Variants in OXR1 observed in about 807,000 individuals in gnomAD.
OXR1 encodes oxidation resistance protein 1.
OXR1 carries 41 observed loss-of-function variants against 104.6 expected under a neutral mutation model. The observed-to-expected ratio is 0.39, with a 90% CI of 0.31 to 0.51. The LOEUF (loss-of-function observed/expected upper bound fraction) is 0.51, where lower values mean the gene tolerates loss of function less well. OXR1 is among the 20% of genes least tolerant of loss of function. The pLI, the probability that OXR1 is intolerant of heterozygous loss-of-function variation, is 0.77. For missense variants in OXR1, 955 were observed against 1,031.9 expected, an observed-to-expected ratio of 0.93 and a Z score of 1.02; for synonymous variants, 348 against 348.4, an observed-to-expected ratio of 1.00 and a Z score of 0.01.
rs368481672 is a variant in OXR1, at chr8:106,451,051, T to C, written c.24-67892T>C. On this transcript the variant is annotated intron_variant, in intron 2 of 16. Transcript: ENST00000517566. Reference sequence around the variant, plus strand: ...CTATAGAACCTATCAAGGCTAAAGATGTTGAGCCTGACTCTCTTAACAGCT... The same window carrying C: ...CTATAGAACCTATCAAGGCTAAAGACGTTGAGCCTGACTCTCTTAACAGCT... Among the ~76,000 whole-genome samples the C allele has an allele frequency of 9.9e-5, 15 of 152,266 alleles. No individual in the cohort carries two copies. The East Asian group carries it at 1.7e-3, about 18-fold the overall frequency.
intron 15 of OXR1, among the ~76,000 whole-genome samples, chr8:106,743,804 G>A (rs998543115): frequency 2.0e-5 from 3 of 152,142 alleles, no homozygotes; most frequent in South Asian, 2.1e-4. Context: ...GCACACAAAT[G>A]TTCATTGTAG....
At chr8:106,741,920 A>G (rs1032266631) in intron 14 of OXR1, among the ~76,000 whole-genome samples, 6 of 152,198 alleles carry the variant, frequency 3.9e-5, no homozygotes, top group Admixed American at 6.5e-5. Flanking sequence ...CATTGTACAT[A>G]TAAGTCGTCC....
chr8:106,568,075 T>C (rs773194810), intron 3 of OXR1, among the ~76,000 whole-genome samples: 2 of 152,128 alleles, frequency 1.3e-5, no homozygotes, highest in Non-Finnish European at 2.9e-5. Flanking sequence ...GAATACAAGA[T>C]TCTTTCCTGA....
intron 3 of OXR1, among the ~76,000 whole-genome samples, chr8:106,639,259 CAT>C (rs1823429102): frequency 6.6e-6 from 1 of 152,186 alleles, no homozygotes; most frequent in Non-Finnish European, 1.5e-5. Flanking sequence ...GCACCTAGCA[CAT>C]GTCACTCTAT....
At chr8:106,697,991 A>G in intron 7 of OXR1, 1 of 1,613,118 alleles carries the variant, frequency 6.2e-7, no homozygotes, top group Non-Finnish European at 8.5e-7. Flanking sequence ...CTCAGGCCAT[A>G]ATGCAGGTCC....
In OXR1 at chr8:106,354,656, A is replaced by G. The variant is rs188005286; in HGVS notation, c.-138-4820A>G. Among the ~76,000 whole-genome samples, 3 of 152,032 alleles carry G rather than the reference A, an allele frequency of 2.0e-5. No homozygotes were observed. The East Asian group carries it at 5.8e-4, about 29-fold the overall frequency. On this transcript the variant is annotated intron_variant, in intron 1 of 16. Coordinates refer to ENST00000517566, the MANE Select transcript of OXR1 (RefSeq NM_001198533.2). ...TTTGGTTCTTCCAAGAACCATTTTT[A>G]TAGATTTACTGTTTTAAATATGAAA...
chr8:106,436,449 C>G (rs529883419), intron 2 of OXR1, among the ~76,000 whole-genome samples: 4 of 151,716 alleles, frequency 2.6e-5, no homozygotes, highest in Non-Finnish European at 5.9e-5. Flanking sequence ...GTACTGTATC[C>G]CAAGAGTTTT....
intron 3 of OXR1, among the ~76,000 whole-genome samples, chr8:106,522,375 T>C (rs545022812): frequency 6.6e-6 from 1 of 152,238 alleles, no homozygotes; most frequent in Non-Finnish European, 1.5e-5. Context: ...GTAAAAGTTA[T>C]AGAAATAGTT....
intron 2 of OXR1, among the ~76,000 whole-genome samples, chr8:106,432,650 T>C (rs1282185061): frequency 6.6e-6 from 1 of 152,180 alleles, no homozygotes; most frequent in Non-Finnish European, 1.5e-5. Context: ...CAAGGTTTTT[T>C]TTTTCTGCAA....
chr8:106,615,663 G>A (rs1002642509), intron 3 of OXR1, among the ~76,000 whole-genome samples: 4 of 151,422 alleles, frequency 2.6e-5, no homozygotes, highest in Non-Finnish European at 4.4e-5. Context: ...TCTACCTGCT[G>A]CTGTTGTTTT....
intron 1 of OXR1, among the ~76,000 whole-genome samples, chr8:106,324,075 G>T (rs895266744): frequency 6.6e-6 from 1 of 152,152 alleles, no homozygotes; most frequent in Admixed American, 6.5e-5. Context: ...GTTCATTGCA[G>T]CAGTGTTCAC....
At chr8:106,523,699 G>A (rs758053671) in intron 3 of OXR1, among the ~76,000 whole-genome samples, 1 of 151,916 alleles carries the variant, frequency 6.6e-6, no homozygotes, top group Non-Finnish European at 1.5e-5. Flanking sequence ...AAAATAGAAT[G>A]GTTAATTAGA....
chr8:106,686,716 G>C lies in OXR1; in HGVS notation c.525+2357G>C, dbSNP rs921422041. On this transcript the variant is annotated intron_variant, in intron 6 of 16. Transcript: ENST00000517566. ...CACTGATAAATTTTTTGAATGTCCAGCTTAGTAGTGGTTTACTATGAAGCT... is the reference window on the plus strand; with the variant it reads ...CACTGATAAATTTTTTGAATGTCCACCTTAGTAGTGGTTTACTATGAAGCT... Among the ~76,000 whole-genome samples the C allele has an allele frequency of 4.6e-5, 7 of 152,262 alleles. No individual in the cohort carries two copies. In the South Asian group the frequency reaches 6.2e-4, roughly 14 times the overall value.
At chr8:106,345,705 C>T (rs1333030790) in intron 1 of OXR1, among the ~76,000 whole-genome samples, 1 of 152,152 alleles carries the variant, frequency 6.6e-6, no homozygotes, top group Non-Finnish European at 1.5e-5. Context: ...ACACATAAAA[C>T]ATACGTTTGA....
intron 2 of OXR1, among the ~76,000 whole-genome samples, chr8:106,451,402 T>C (rs933031477): frequency 1.2e-4 from 19 of 152,210 alleles, no homozygotes; most frequent in African/African-American, 4.6e-4. Flanking sequence ...TAGAATACAT[T>C]ATAGTTTTCA....
chr8:106,312,777 A>G (rs1257031580), intron 1 of OXR1, among the ~76,000 whole-genome samples: 2 of 152,222 alleles, frequency 1.3e-5, no homozygotes, highest in African/African-American at 4.8e-5. Context: ...AATTTGTTGT[A>G]TATTATTAAT....
chr8:106,405,151 T>C (rs1818165583), intron 2 of OXR1, among the ~76,000 whole-genome samples: 1 of 16,900 alleles, frequency 5.9e-5, no homozygotes, highest in Non-Finnish European at 9.9e-5. Context: ...CATATATATA[T>C]ATATATATAT....
At chr8:106,624,952 C>T (rs780023419) in intron 3 of OXR1, among the ~76,000 whole-genome samples, 13 of 151,928 alleles carry the variant, frequency 8.6e-5, no homozygotes, top group Non-Finnish European at 1.3e-4. Context: ...CCACTATGCC[C>T]GGCTAATTTT....
intron 3 of OXR1, among the ~76,000 whole-genome samples, chr8:106,524,681 C>T (rs1425516304): frequency 1.3e-5 from 2 of 152,090 alleles, no homozygotes; most frequent in Admixed American, 1.3e-4. Context: ...CCATCGTATG[C>T]GTTGGGAAAG....
Sources: gnomAD v4.1 joint callset for allele counts (sites outside exome capture counted in the v4.1 genomes callset) on GRCh38, gnomAD v4.1.1 for gene constraint, MANE v1.5 for transcripts, NCBI Gene and HGNC (gene_info 2026-07-23, HGNC 2026-07-21) for gene names.